PCDH9: variants seen among roughly 807,000 people sequenced by gnomAD.
PCDH9 encodes the protein protocadherin 9, also known as protocadherin-9.
A neutral mutation model predicts 70.6 loss-of-function variants in PCDH9; 24 were observed. The ratio of observed to expected loss-of-function variants is 0.34; its 90% CI spans 0.25 to 0.48. The LOEUF (loss-of-function observed/expected upper bound fraction) is 0.48, where lower values mean the gene tolerates loss of function less well. Among genes scored for constraint, PCDH9 ranks in the 20% least tolerant of loss-of-function variants. The probability of loss-of-function intolerance (pLI) is 0.99; values close to 1 mark genes in which losing one functional copy is unlikely to be tolerated. For missense variants in PCDH9, 1,281 were observed against 1,503.6 expected (o/e 0.85, Z 2.45); for synonymous variants, 562 against 558.5 (o/e 1.01, Z -0.09).
chr13:67,227,101 G>C lies in PCDH9; in HGVS notation c.1340C>G (p.Pro447Arg). The change falls in exon 2 of 5, where the codon CCC (proline) becomes CGC (arginine). Residue 447 changes from proline to arginine, a missense_variant. Physicochemically the swap from Pro to Arg is moderately radical, Grantham distance 103. Around this residue, in one of 4 missense-constraint regions of PCDH9, gnomAD observed 798 missense variants for 1,003.1 expected, o/e 0.80. Transcript: ENST00000377865. The surrounding 1 kb of genome is among the most constrained non-coding windows in gnomAD (Gnocchi z 4.6). Reference protein sequence around the residue: ...FKIVASDSGKPSLNQTALVRV... With the variant: ...FKIVASDSGKRSLNQTALVRV... Reference sequence around the variant, plus strand: ...TACCAGGGCAGTCTGATTTAAACTGGGCTTCCCAGAATCAGAGGCAACAAT... The same window carrying C: ...TACCAGGGCAGTCTGATTTAAACTGCGCTTCCCAGAATCAGAGGCAACAAT... The C allele has an allele frequency of 1.2e-6, 2 of 1,613,990 alleles. No individual in the cohort carries two copies. Among genetic ancestry groups the C allele is most frequent in the Non-Finnish European group, 1.7e-6 (2 of 1,179,954 alleles).
chr13:66,567,113 GAA>G (rs1180248905), intron 4 of PCDH9, among the ~76,000 whole-genome samples: 1 of 151,992 alleles, frequency 6.6e-6, no homozygotes. Context: ...AGTCCTAAAG[GAA>G]AAGTCTTATT....
intron 3 of PCDH9, among the ~76,000 whole-genome samples, chr13:66,884,863 C>T (rs947433822): frequency 2.6e-5 from 4 of 152,134 alleles, no homozygotes; most frequent in Admixed American, 1.3e-4. Flanking sequence ...TGACAAGTTA[C>T]ATTCTATGTC....
intron 2 of PCDH9, among the ~76,000 whole-genome samples, chr13:67,004,301 T>A (rs9529164): frequency 0.34 from 51,436 of 151,702 alleles, 9,160 homozygotes; most frequent in East Asian, 0.58. Context: ...ACAGTTGTGT[T>A]GGCTCGCACC....
intron 2 of PCDH9, among the ~76,000 whole-genome samples, chr13:67,056,392 G>A (rs2085421392): frequency 6.6e-6 from 1 of 152,044 alleles, no homozygotes; most frequent in African/African-American, 2.4e-5. Flanking sequence ...ATTTCCTGCT[G>A]CCAATAAGAT....
chr13:66,697,407 C>T (rs1219205715), intron 3 of PCDH9, among the ~76,000 whole-genome samples: 5 of 151,984 alleles, frequency 3.3e-5, no homozygotes, highest in Non-Finnish European at 2.9e-5. Flanking sequence ...ATAAATTGTA[C>T]CATACAATGT....
chr13:66,821,410 A>C (rs759095197), intron 3 of PCDH9, among the ~76,000 whole-genome samples: 1 of 152,188 alleles, frequency 6.6e-6, no homozygotes, highest in African/African-American at 2.4e-5. Flanking sequence ...TATAAACATA[A>C]GCTAAATGGA....
intron 2 of PCDH9, among the ~76,000 whole-genome samples, chr13:66,920,984 T>C (rs1428827625): frequency 2.0e-5 from 3 of 151,248 alleles, no homozygotes; most frequent in Non-Finnish European, 4.4e-5. Context: ...AAAACTATCT[T>C]AGAGTGAATC....
chr13:67,039,328 T>C (rs1262449791), intron 2 of PCDH9, among the ~76,000 whole-genome samples: 3 of 152,150 alleles, frequency 2.0e-5, no homozygotes, highest in African/African-American at 4.8e-5. Flanking sequence ...AGGACTGTAT[T>C]AAGAGGCAGA....
At chr13:66,511,962 T>C (rs1169750140) in intron 4 of PCDH9, among the ~76,000 whole-genome samples, 1 of 152,122 alleles carries the variant, frequency 6.6e-6, no homozygotes, top group Non-Finnish European at 1.5e-5. Context: ...AACAGCCTAA[T>C]AAAATAACTA....
chr13:66,734,645 C>G (rs1335092534), intron 3 of PCDH9, among the ~76,000 whole-genome samples: 2 of 152,146 alleles, frequency 1.3e-5, no homozygotes, highest in Non-Finnish European at 2.9e-5. Flanking sequence ...TCTACCTCTT[C>G]TAAGTTTCAA....
intron 3 of PCDH9, among the ~76,000 whole-genome samples, chr13:66,899,610 G>A (rs574294262): frequency 2.2e-4 from 33 of 152,096 alleles, no homozygotes; most frequent in Non-Finnish European, 4.6e-4. Flanking sequence ...ACAGATTGCA[G>A]AATACAGACA....
intron 3 of PCDH9, among the ~76,000 whole-genome samples, chr13:66,699,017 C>T (rs1039528779): frequency 1.3e-5 from 2 of 149,276 alleles, no homozygotes; most frequent in African/African-American, 2.5e-5. Flanking sequence ...CAGATTCAAG[C>T]GATTCTCCCA....
intron 4 of PCDH9, among the ~76,000 whole-genome samples, chr13:66,414,603 C>T (rs1957431008): frequency 6.6e-6 from 1 of 152,022 alleles, no homozygotes; most frequent in Admixed American, 6.6e-5. Context: ...CTAATGAAGT[C>T]CAGGAGTTAA....
At position 66,882,684 on chromosome 13, in the gene PCDH9, A is replaced by G. The variant is rs115966305; in HGVS notation, c.3138+20820T>C. ...AACATACTCACAAAGCAGCCACTCA[A>G]TGGCAATGTGTTCACTGGTTTAAAT... On this transcript the variant is annotated intron_variant, in intron 3 of 4. Transcript: ENST00000377865. Among the ~76,000 whole-genome samples, 1,217 of 152,258 alleles carry G rather than the reference A, an allele frequency of 8.0e-3. 14 individuals carry two copies. Among genetic ancestry groups the G allele is most frequent in the African/African-American group, 0.027 (1,134 of 41,538 alleles).
rs1284809524 is a variant in PCDH9, at chr13:67,228,449, A to C, written c.-9T>G. 5 of 1,537,880 alleles carry C rather than the reference A, an allele frequency of 3.3e-6. No individual in the cohort carries two copies. In the Admixed American group the frequency reaches 1.1e-4, roughly 33 times the overall value. ...AAATCCCTCAGGTCCATGATAATGT[A>C]TTTATTTTCTTTTCCTGGATTTTAG... On this transcript the variant is annotated 5_prime_UTR_variant, in exon 2 of 5. Transcript: ENST00000377865.
intron 4 of PCDH9, among the ~76,000 whole-genome samples, chr13:66,609,494 T>C (rs539732934): frequency 6.6e-6 from 1 of 152,224 alleles, no homozygotes; most frequent in Admixed American, 6.5e-5. Flanking sequence ...ATAGCTATCA[T>C]GTGAAGATAA....
chr13:66,453,601 C>G (rs888032438), intron 4 of PCDH9, among the ~76,000 whole-genome samples: 5 of 152,140 alleles, frequency 3.3e-5, no homozygotes, highest in Non-Finnish European at 7.4e-5. Context: ...AAATCAGCTT[C>G]TCTTCCCAGC....
At chr13:66,386,397 C>G (rs1475314960) in intron 4 of PCDH9, among the ~76,000 whole-genome samples, 2 of 152,142 alleles carry the variant, frequency 1.3e-5, no homozygotes, top group African/African-American at 4.8e-5. Flanking sequence ...CCCTGACTAA[C>G]ATGCAATGAA....
intron 3 of PCDH9, among the ~76,000 whole-genome samples, chr13:66,893,859 T>C (rs1229920761): frequency 6.6e-6 from 1 of 152,166 alleles, no homozygotes; most frequent in Non-Finnish European, 1.5e-5. Context: ...ACCTATTCTA[T>C]TCTACTCTCT....
Sources: allele counts gnomAD v4.1 joint callset (sites outside exome capture counted in the v4.1 genomes callset), GRCh38; gene constraint gnomAD v4.1.1; regional missense constraint gnomAD v4.1.1; non-coding constraint Gnocchi (gnomAD v3.1); transcripts MANE v1.5; gene names NCBI Gene and HGNC (gene_info 2026-07-23, HGNC 2026-07-21).